VAX1: variants seen among roughly 807,000 people sequenced by gnomAD.
VAX1 encodes the protein ventral anterior homeobox 1.
A neutral mutation model predicts 17.6 loss-of-function variants in VAX1; 6 were observed. That is an observed-to-expected ratio of 0.34 (90% CI 0.19 to 0.67). The LOEUF (loss-of-function observed/expected upper bound fraction) is 0.67, where lower values mean the gene tolerates loss of function less well. VAX1 is among the 30% of genes least tolerant of loss of function. The pLI, the probability that VAX1 is intolerant of heterozygous loss-of-function variation, is 0.69. For missense variants in VAX1, 408 were observed against 463.7 expected, an observed-to-expected ratio of 0.88 and a Z score of 1.10; for synonymous variants, 256 against 227.4, an observed-to-expected ratio of 1.13 and a Z score of -1.13.
Position 117,137,926 on chromosome 10 carries a change from A to T in VAX1, c.131T>A (p.Leu44His). ...GAEGNLPAAFLKEPQGAFSAS... is the reference protein window; with the variant it reads ...GAEGNLPAAFHKEPQGAFSAS... ...TGAGAAGGCGCCCTGCGGCTCCTTG[A>T]GGAAGGCGGCTGGGAGGTTCCCCTC... is the stretch of plus-strand genomic sequence containing the variant. The change falls in exon 1 of 3, where the codon CTC (leucine) becomes CAC (histidine). Residue 44 changes from leucine to histidine, a missense_variant. Coordinates refer to ENST00000369206, the MANE Select transcript of VAX1 (RefSeq NM_001112704.2). The surrounding 1 kb of genome is among the most constrained non-coding windows in gnomAD (Gnocchi z 7.4). The T allele has an allele frequency of 6.2e-7, 1 of 1,613,814 alleles. No homozygotes were observed. Among genetic ancestry groups the T allele is most frequent in the Non-Finnish European group, 8.5e-7 (1 of 1,179,956 alleles).
downstream of VAX1, chr10:117,129,127 T>C (rs2133655095): frequency 6.6e-6 from 1 of 152,396 alleles, no homozygotes; most frequent in Admixed American, 6.5e-5. Flanking sequence ...ATTCATTGTA[T>C]TCCTACCAAA....
At position 117,136,245 on chromosome 10, in the gene VAX1, A is replaced by C. The variant is rs906215160; in HGVS notation, c.429+227T>G. Among the ~76,000 whole-genome samples the C allele has an allele frequency of 1.3e-5, 2 of 152,268 alleles. No individual in the cohort carries two copies. Among genetic ancestry groups the C allele is most frequent in the African/African-American group, 4.8e-5 (2 of 41,480 alleles). On this transcript the variant is annotated intron_variant, in intron 2 of 2. Coordinates refer to ENST00000369206, the MANE Select transcript of VAX1 (RefSeq NM_001112704.2). This position sits in a 1 kb window ranked among gnomAD's most constrained non-coding sequence, Gnocchi z 5.0. ...GCCTTCTGGGCCTAGGCCAAGGTGG[A>C]TAAAACATGGGCCCTGGAGGATTTG...
At chr10:117,132,791 T>A (rs1854107364), downstream of VAX1, among the ~76,000 whole-genome samples, 1 of 152,164 alleles carries the variant, frequency 6.6e-6, no homozygotes, top group Admixed American at 6.5e-5. The surrounding 1 kb of genome is among the most constrained non-coding windows in gnomAD (Gnocchi z 4.9). Flanking sequence ...AGACGCTATC[T>A]GGACTCCGAG....
intron 2 of VAX1, among the ~76,000 whole-genome samples, chr10:117,135,909 A>G (rs1016167887): frequency 1.3e-5 from 2 of 152,236 alleles, no homozygotes; most frequent in African/African-American, 4.8e-5. Flanking sequence ...CCAGCTCAGA[A>G]TGGGGAAAGC....
chr10:117,132,511 G>A (rs373551989), downstream of VAX1: 4 of 1,581,974 alleles, frequency 2.5e-6, no homozygotes, highest in African/African-American at 4.1e-5. This position sits in a 1 kb window ranked among gnomAD's most constrained non-coding sequence, Gnocchi z 4.9. Flanking sequence ...AAGAGGGGGA[G>A]AGTTTCCGAC....
rs1468820288 is a variant in VAX1, at chr10:117,133,936, C to T, written c.*72G>A. 6.9e-6 allele frequency: 10 copies of T among 1,446,336 alleles called. No homozygotes were observed. The highest frequency in any genetic ancestry group is 3.4e-5 in the Admixed American group (1 of 29,800). The allele number at this position is 1,446,336 out of a possible 1,614,324, so 89.6% of individuals were successfully genotyped here. On this transcript the variant is annotated 3_prime_UTR_variant, in exon 3 of 3. Coordinates refer to ENST00000369206, the MANE Select transcript of VAX1 (RefSeq NM_001112704.2). Reference sequence around the variant, plus strand: ...GAGCCCAGCGCAGGAGCTCTGGGCACCTAATGCGCGTGAGTCCATAAATAT... The same window carrying T: ...GAGCCCAGCGCAGGAGCTCTGGGCATCTAATGCGCGTGAGTCCATAAATAT...
Position 117,136,987 on chromosome 10 carries a change from G to A in VAX1, c.242-328C>T, listed in dbSNP as rs1465980899. On this transcript the variant is annotated intron_variant, in intron 1 of 2. Coordinates refer to ENST00000369206, the MANE Select transcript of VAX1 (RefSeq NM_001112704.2). The surrounding 1 kb of genome is among the most constrained non-coding windows in gnomAD (Gnocchi z 5.0). ...GGCTGAGCCTTCCGGGTCCCCTGTA[G>A]CCTGAGGGTACCCTTGTCGCCCCGC... 6.6e-6 allele frequency among the ~76,000 whole-genome samples: 1 copy of A among 152,058 alleles called. No homozygotes were observed. Among genetic ancestry groups the A allele is most frequent in the Non-Finnish European group, 1.5e-5 (1 of 68,004 alleles).
Position 117,136,655 on chromosome 10 carries a change from G to C in VAX1, c.246C>G (p.Ala82=). The part of the protein sequence containing the change: ...DYCRRILVRD[A]KGSIREIILP... ...GGATGATCTCTCGGATGGACCCCTT[G>C]GCATCTGGGGAAGGGGAGATGTCAG... Residue 82 remains alanine, a synonymous_variant, in exon 2 of 3, where the codon GCC becomes GCG. Coordinates refer to ENST00000369206, the MANE Select transcript of VAX1 (RefSeq NM_001112704.2). This position sits in a 1 kb window ranked among gnomAD's most constrained non-coding sequence, Gnocchi z 5.0. The C allele has an allele frequency of 1.9e-6, 3 of 1,603,200 alleles. No individual in the cohort carries two copies. The highest frequency in any genetic ancestry group is 2.6e-6 in the Non-Finnish European group (3 of 1,171,672).
chr10:117,134,614 A>G lies in VAX1; in HGVS notation c.430-31T>C. On this transcript the variant is annotated intron_variant, in intron 2 of 2. Coordinates refer to ENST00000369206, the MANE Select transcript of VAX1 (RefSeq NM_001112704.2). The surrounding 1 kb of genome is among the most constrained non-coding windows in gnomAD (Gnocchi z 6.2). ...CGCCGGGGTGCGGGGAGAGTTGGAGAGAGGGGCAGGGAAGACCAGCGTCAA... is the reference window on the plus strand; with the variant it reads ...CGCCGGGGTGCGGGGAGAGTTGGAGGGAGGGGCAGGGAAGACCAGCGTCAA... 6.7e-7 allele frequency: 1 copy of G among 1,497,102 alleles called. No individual in the cohort carries two copies. Among genetic ancestry groups the G allele is most frequent in the South Asian group, 1.3e-5 (1 of 79,758 alleles). The allele number at this position is 1,497,102 out of a possible 1,614,324, so 92.7% of individuals were successfully genotyped here.
chr10:117,133,866 A>T lies in VAX1; in HGVS notation c.*142T>A. 5 of 1,357,000 alleles carry T rather than the reference A, an allele frequency of 3.7e-6. No homozygotes were observed. The highest frequency in any genetic ancestry group is 4.7e-6 in the Non-Finnish European group (5 of 1,060,558). The allele number at this position is 1,357,000 out of a possible 1,614,324, so 84.1% of individuals were successfully genotyped here. On this transcript the variant is annotated 3_prime_UTR_variant, in exon 3 of 3. Transcript: ENST00000369206. The stretch of plus-strand genomic sequence containing the variant: ...CCGAATGAGATGAAATTGGTAGCAG[A>T]GTCTAGTGGGAAAGGAGAGCTGTCA...
intron 2 of VAX1, among the ~76,000 whole-genome samples, chr10:117,135,792 A>G (rs1854167386): frequency 6.6e-6 from 1 of 152,246 alleles, no homozygotes; most frequent in South Asian, 2.1e-4. Context: ...AAAGATCTAA[A>G]GCACAATCAG....
At position 117,137,860 on chromosome 10, in the gene VAX1, T is replaced by C. The variant is rs1004005013; in HGVS notation, c.197A>G (p.Asn66Ser). 12 of 1,613,146 alleles carry C rather than the reference T, an allele frequency of 7.4e-6. No homozygotes were observed. The Admixed American group carries it at 1.0e-4, about 13-fold the overall frequency. ...GCAGTAATCCGGGTCCGCTGCGGAATTGGATTTACTTTTGTTACAATCCTC... is the reference window on the plus strand; with the variant it reads ...GCAGTAATCCGGGTCCGCTGCGGAACTGGATTTACTTTTGTTACAATCCTC... The part of the protein sequence containing the change: ...AAEDCNKSKS[N>S]SAADPDYCRR... The change falls in exon 1 of 3, where the codon AAT becomes AGT. Residue 66 changes from asparagine to serine, a missense_variant. By Grantham distance (46) the Asn-to-Ser change is conservative. Around this residue, in one of 4 missense-constraint regions of VAX1, gnomAD observed 133 missense variants for 112.0 expected, o/e 1.19. Transcript: ENST00000369206. The surrounding 1 kb of genome is among the most constrained non-coding windows in gnomAD (Gnocchi z 7.4).
At chr10:117,132,634 G>A (rs928364495), downstream of VAX1, among the ~76,000 whole-genome samples, 7 of 152,196 alleles carry the variant, frequency 4.6e-5, no homozygotes, top group Admixed American at 2.6e-4. The surrounding 1 kb of genome is among the most constrained non-coding windows in gnomAD (Gnocchi z 4.9). Context: ...TGTGATTTTG[G>A]TTAAAATGTG....
downstream of VAX1, chr10:117,131,668 A>G (rs1417795305): frequency 6.6e-6 from 1 of 152,518 alleles, no homozygotes; most frequent in Non-Finnish European, 1.5e-5. Flanking sequence ...CGTGCTGCAC[A>G]CGCTTTAGAA....
chr10:117,128,564 G>T (rs936010009), downstream of VAX1: 8 of 152,194 alleles, frequency 5.3e-5, no homozygotes, highest in African/African-American at 1.9e-4. Flanking sequence ...TTAAGAATGG[G>T]TACAACACTA....
In VAX1 at chr10:117,134,392, T is replaced by C; in HGVS notation, c.621A>G (p.Ser207=). The C allele has an allele frequency of 6.9e-7, 1 of 1,449,876 alleles. No homozygotes were observed. The highest frequency in any genetic ancestry group is 9.0e-7 in the Non-Finnish European group (1 of 1,108,472). 89.8% of individuals were successfully genotyped at this position (1,449,876 alleles called of 1,614,324 possible). Reference sequence around the variant, plus strand: ...CCGGCAAGCTGGGCCCGCGCAGCGCTGAGCCGAGAGCGCCCGTGGCGCAAG... The same window carrying C: ...CCGGCAAGCTGGGCCCGCGCAGCGCCGAGCCGAGAGCGCCCGTGGCGCAAG... ...LPPCATGALG[S]ALRGPSLPAL... The change falls in exon 3 of 3, where the codon TCA becomes TCG. Residue 207 remains serine, a synonymous_variant. Coordinates refer to ENST00000369206, the MANE Select transcript of VAX1 (RefSeq NM_001112704.2). This position sits in a 1 kb window ranked among gnomAD's most constrained non-coding sequence, Gnocchi z 6.2.
At chr10:117,133,266 T>C, downstream of VAX1, 1 of 985,064 alleles carries the variant, frequency 1.0e-6, no homozygotes, top group Non-Finnish European at 1.2e-6. Context: ...ATTGGAAGTA[T>C]TTAAAAACTG....
downstream of VAX1, chr10:117,132,523 T>C: frequency 6.4e-7 from 1 of 1,574,354 alleles, no homozygotes; most frequent in Non-Finnish European, 8.6e-7. This position sits in a 1 kb window ranked among gnomAD's most constrained non-coding sequence, Gnocchi z 4.9. Context: ...GTTTCCGACG[T>C]AAATAATTTA....
At chr10:117,128,544 T>C (rs2133654743), downstream of VAX1, 1 of 152,322 alleles carries the variant, frequency 6.6e-6, no homozygotes, top group South Asian at 2.1e-4. Flanking sequence ...ATATATGATG[T>C]GATTTATTTT....
Sources: gnomAD v4.1 joint callset for allele counts (sites outside exome capture counted in the v4.1 genomes callset) on GRCh38, gnomAD v4.1.1 for gene constraint, gnomAD v4.1.1 regional missense constraint, Gnocchi (gnomAD v3.1) non-coding constraint, MANE v1.5 for transcripts, NCBI Gene and HGNC (gene_info 2026-07-23, HGNC 2026-07-21) for gene names.